Variants in MARK3 observed in about 807,000 individuals in gnomAD.
MARK3 encodes microtubule affinity regulating kinase 3, also known as MAP/microtubule affinity-regulating kinase 3.
Under a neutral mutation model 90.1 loss-of-function variants are expected in MARK3, and 46 were observed. The ratio of observed to expected loss-of-function variants is 0.51; its 90% CI spans 0.40 to 0.65. The LOEUF is 0.65. Ranked by LOEUF, MARK3 falls within the 30% of genes least tolerant of loss-of-function variation. MARK3 has a pLI of 0.00. For synonymous variants in MARK3, 321 were observed against 332.6 expected, an observed-to-expected ratio of 0.97 and a Z score of 0.38; for missense variants, 818 against 947.2, an observed-to-expected ratio of 0.86 and a Z score of 1.79.
At position 103,502,973 on chromosome 14, in the gene MARK3, A is replaced by G. The variant is rs1037483372; in HGVS notation, c.2008A>G (p.Met670Val). The change falls in exon 18 of 18, where the codon ATG becomes GTG. Residue 670 changes from methionine to valine, a missense_variant. This residue lies in a region of MARK3 where 560 missense variants were observed against 613.5 expected (regional missense o/e 0.91). Coordinates refer to ENST00000429436, the MANE Select transcript of MARK3 (RefSeq NM_001128918.3). ...CTGGAGCATGAAAACCACTAGTTCA[A>G]TGGATCCCGGGGACATGATGCGGGA... ...FTWSMKTTSS[M>V]DPGDMMREIR... 39 of 1,614,148 alleles carry G rather than the reference A, an allele frequency of 2.4e-5. No individual in the cohort carries two copies. The highest frequency in any genetic ancestry group is 4.5e-5 in the East Asian group (2 of 44,904).
chr14:103,489,755 A>C (rs1185651973), intron 14 of MARK3: 1 of 152,212 alleles, frequency 6.6e-6, no homozygotes, highest in Non-Finnish European at 1.5e-5. Context: ...CCTTAAAGGA[A>C]AGAAACTGCC....
intron 3 of MARK3, among the ~76,000 whole-genome samples, chr14:103,446,089 T>C (rs2092988441): frequency 6.6e-6 from 1 of 152,198 alleles, no homozygotes; most frequent in African/African-American, 2.4e-5. Flanking sequence ...CACAAAAATG[T>C]GTCTTCATAG....
intron 11 of MARK3, 26 bp downstream of exon 11, chr14:103,467,217 A>G (rs1320729676): frequency 2.7e-6 from 3 of 1,094,038 alleles, no homozygotes; most frequent in Admixed American, 4.0e-5. Context: ...AAGAGCTGAA[A>G]TACCCTGTAT....
At chr14:103,389,548 A>AAAAAAAAAAAAAT (rs2090076554) in intron 1 of MARK3, among the ~76,000 whole-genome samples, 1 of 142,954 alleles carries the variant, frequency 7.0e-6, no homozygotes, top group African/African-American at 2.6e-5. Flanking sequence ...AAAAAAAAAA[A>AAAAAAAAAAAAAT]GCAGACAACT....
At chr14:103,403,310 C>G (rs998803596) in intron 1 of MARK3, among the ~76,000 whole-genome samples, 1 of 146,814 alleles carries the variant, frequency 6.8e-6, no homozygotes, top group South Asian at 2.2e-4. Context: ...TTTACCACAC[C>G]TTAAATAGTG....
chr14:103,411,842 C>T (rs542008352), intron 2 of MARK3, among the ~76,000 whole-genome samples: 102 of 151,694 alleles, frequency 6.7e-4, no homozygotes, highest in South Asian at 1.2e-3. Context: ...AGGATGGTCT[C>T]GATCTCTTGA....
At chr14:103,388,201 G>C (rs1290095250) in intron 1 of MARK3, among the ~76,000 whole-genome samples, 4 of 152,252 alleles carry the variant, frequency 2.6e-5, no homozygotes, top group African/African-American at 9.6e-5. Flanking sequence ...AAAGTGCTGG[G>C]ATTACAGGCG....
chr14:103,489,339 A>G (rs973302404), intron 14 of MARK3: 2 of 152,290 alleles, frequency 1.3e-5, no homozygotes, highest in African/African-American at 4.8e-5. Flanking sequence ...GCCTAGAGAG[A>G]TGGCAGGGGC....
At chr14:103,386,197 C>T in intron 1 of MARK3, 117 bp downstream of exon 1, 1 of 987,064 alleles carries the variant, frequency 1.0e-6, no homozygotes, top group South Asian at 1.3e-5. Flanking sequence ...AGAGGGCAGG[C>T]CGTAGTCACC....
intron 12 of MARK3, among the ~76,000 whole-genome samples, chr14:103,474,332 T>C (rs933076169): frequency 2.6e-5 from 4 of 152,248 alleles, no homozygotes; most frequent in African/African-American, 9.6e-5. Flanking sequence ...TGTGCTGCTA[T>C]TGGAGTCTCT....
intron 6 of MARK3, 120 bp downstream of exon 6, chr14:103,457,332 C>A: frequency 3.0e-6 from 2 of 671,898 alleles, no homozygotes; most frequent in South Asian, 1.9e-5. Context: ...AGGGGTTGGC[C>A]ATTCAATTCA....
intron 4 of MARK3, among the ~76,000 whole-genome samples, chr14:103,450,679 A>G (rs1337473693): frequency 2.6e-5 from 4 of 152,112 alleles, no homozygotes; most frequent in Admixed American, 6.5e-5. Flanking sequence ...CAGTTCATCA[A>G]ACATTTACTG....
intron 4 of MARK3, among the ~76,000 whole-genome samples, chr14:103,451,000 A>G (rs1182870750): frequency 7.2e-6 from 1 of 138,804 alleles, no homozygotes; most frequent in African/African-American, 2.7e-5. Flanking sequence ...GCATGATCTC[A>G]GGTCACTGCA....
intron 3 of MARK3, among the ~76,000 whole-genome samples, chr14:103,433,354 TG>T (rs2141105565): frequency 6.6e-6 from 1 of 152,086 alleles, no homozygotes; most frequent in South Asian, 2.1e-4. Context: ...CCCAAAGTGC[TG>T]GGATTACTGG....
intron 2 of MARK3, among the ~76,000 whole-genome samples, chr14:103,421,013 C>A (rs1290983923): frequency 2.0e-5 from 3 of 152,152 alleles, no homozygotes; most frequent in African/African-American, 4.8e-5. Flanking sequence ...GTGAAACTTA[C>A]CTAACACCTG....
chr14:103,496,915 G>A (rs1040285962), intron 15 of MARK3, among the ~76,000 whole-genome samples: 1 of 151,836 alleles, frequency 6.6e-6, no homozygotes, highest in Non-Finnish European at 1.5e-5. Flanking sequence ...GGTGGTGCAT[G>A]CCTGTAGTCC....
At chr14:103,412,564 C>A in intron 2 of MARK3, 2 of 656,484 alleles carry the variant, frequency 3.0e-6, no homozygotes, top group Non-Finnish European at 2.7e-6. Flanking sequence ...TGCTGTTCCC[C>A]CAGGACCCAC....
chr14:103,420,166 GAA>G (rs1294935918), intron 2 of MARK3, among the ~76,000 whole-genome samples: 1 of 152,058 alleles, frequency 6.6e-6, no homozygotes, highest in Non-Finnish European at 1.5e-5. Flanking sequence ...TAATGTGCAG[GAA>G]AAAAGCTCCA....
intron 1 of MARK3, among the ~76,000 whole-genome samples, chr14:103,404,426 T>C (rs772481750): frequency 2.0e-5 from 3 of 152,216 alleles, no homozygotes; most frequent in Non-Finnish European, 2.9e-5. Flanking sequence ...CATACAGCCA[T>C]GTACACAGTG....
Sources: allele counts gnomAD v4.1 joint callset (sites outside exome capture counted in the v4.1 genomes callset), GRCh38; gene constraint gnomAD v4.1.1; regional missense constraint gnomAD v4.1.1; transcripts MANE v1.5; gene names NCBI Gene and HGNC (gene_info 2026-07-23, HGNC 2026-07-21).